OTULIN: variants seen among roughly 807,000 people sequenced by gnomAD.
OTULIN encodes the protein OTU deubiquitinase with linear linkage specificity.
In OTULIN, 15 loss-of-function variants were observed where a neutral mutation model predicts 39.6. The ratio of observed to expected loss-of-function variants is 0.38; its 90% confidence interval spans 0.25 to 0.58. The LOEUF (loss-of-function observed/expected upper bound fraction) is 0.58. OTULIN is among the 20% of genes least tolerant of loss of function. OTULIN has a pLI of 0.66. For missense variants in OTULIN, 319 were observed against 445.9 expected, an observed-to-expected ratio of 0.72 and a Z score of 2.56; for synonymous variants, 156 against 170.3, an observed-to-expected ratio of 0.92 and a Z score of 0.65.
At chr5:14,714,727 G>A in the OTULIN span, among the ~76,000 whole-genome samples, 1 of 152,068 alleles carries the variant, frequency 6.6e-6, no homozygotes, top group Non-Finnish European at 1.5e-5. Context: ...TGCTAAACTG[G>A]TTGGCCCAAA....
chr5:14,677,079 G>A (rs959571120), intron 2 of OTULIN, among the ~76,000 whole-genome samples: 2 of 152,082 alleles, frequency 1.3e-5, no homozygotes, highest in Non-Finnish European at 1.5e-5. Context: ...CTTTGTAAAA[G>A]AATTCACAGT....
chr5:14,666,259 G>A (rs1240987895), intron 1 of OTULIN, among the ~76,000 whole-genome samples: 2 of 152,248 alleles, frequency 1.3e-5, no homozygotes, highest in Non-Finnish European at 2.9e-5. Context: ...TATTTGGCAA[G>A]TTTTCTGGTG....
At position 14,696,236 on chromosome 5, in the gene OTULIN, A is replaced by T. The variant is rs984550774; in HGVS notation, c.*3188A>T. On this transcript the variant is annotated 3_prime_UTR_variant, in exon 7 of 7. Coordinates refer to ENST00000284274, the MANE Select transcript of OTULIN (RefSeq NM_138348.6). ...GCTGAATCACCTTTAATGATACAGC[A>T]CTTCTGCCATCTCAGCATCTACATA... 4 of 152,222 alleles carry T rather than the reference A, an allele frequency of 2.6e-5. No homozygotes were observed. The highest frequency in any genetic ancestry group is 9.6e-5 in the African/African-American group (4 of 41,452). The allele number at this position is 152,222 out of a possible 1,614,324, so 9.4% of individuals were successfully genotyped here. A position where few individuals can be genotyped will look rare whatever the true frequency, so the allele number is the denominator to read the frequency against.
intron 1 of OTULIN, among the ~76,000 whole-genome samples, chr5:14,668,362 GGAGTA>G (rs1735901404): frequency 6.6e-6 from 1 of 152,226 alleles, no homozygotes; most frequent in Non-Finnish European, 1.5e-5. Flanking sequence ...GAAGTCACAT[GGAGTA>G]GCATGAGCCA....
intron 1 of OTULIN, among the ~76,000 whole-genome samples, chr5:14,668,872 C>G (rs1343704680): frequency 1.3e-5 from 2 of 152,160 alleles, no homozygotes. Flanking sequence ...ACAGCTTTTG[C>G]TCTTGGGAAT....
Position 14,690,029 on chromosome 5 carries a change from C to G in OTULIN, c.595-10C>G, listed in dbSNP as rs758526018. On this transcript the variant is annotated splice_polypyrimidine_tract_variant and intron_variant, in intron 5 of 6. Transcript: ENST00000284274. The surrounding 1 kb of genome is among the most constrained non-coding windows in gnomAD (Gnocchi z 4.5). ...AAAATTCTAATTATTACATAACTTTCTTATTGTAGTGGGCAGGCTTGGCTG... is the reference window on the plus strand; with the variant it reads ...AAAATTCTAATTATTACATAACTTTGTTATTGTAGTGGGCAGGCTTGGCTG... 3.7e-6 allele frequency: 6 copies of G among 1,605,956 alleles called. No homozygotes were observed. The highest frequency in any genetic ancestry group is 5.1e-6 in the Non-Finnish European group (6 of 1,176,038).
At chr5:14,665,026 C>T in intron 1 of OTULIN, 49 bp downstream of exon 1, 1 of 1,031,560 alleles carries the variant, frequency 9.7e-7, no homozygotes, top group Non-Finnish European at 1.2e-6. Flanking sequence ...CGGGCTCGGT[C>T]CCCTCCGGAA....
chr5:14,711,803 C>T, the OTULIN span, among the ~76,000 whole-genome samples: 1 of 152,254 alleles, frequency 6.6e-6, no homozygotes, highest in Admixed American at 6.5e-5. Flanking sequence ...ACTTCCCTGC[C>T]ATGTTGCCTG....
At chr5:14,665,173 A>G (rs1280408115) in intron 1 of OTULIN, among the ~76,000 whole-genome samples, 196 bp downstream of exon 1, 2 of 152,210 alleles carry the variant, frequency 1.3e-5, no homozygotes, top group Admixed American at 1.3e-4. Flanking sequence ...AGGGCCCCTC[A>G]CAATTCTGGT....
At position 14,690,397 on chromosome 5, in the gene OTULIN, T is replaced by G; in HGVS notation, c.864+89T>G. ...GTCACAGTTTTTGTAGGTCAGAAATTCAGGGACAGCTTAGTTGGATGGTTC... is the reference window on the plus strand; with the variant it reads ...GTCACAGTTTTTGTAGGTCAGAAATGCAGGGACAGCTTAGTTGGATGGTTC... On this transcript the variant is annotated intron_variant, in intron 6 of 6. Coordinates refer to ENST00000284274, the MANE Select transcript of OTULIN (RefSeq NM_138348.6). The surrounding 1 kb of genome is among the most constrained non-coding windows in gnomAD (Gnocchi z 4.5). 2 of 1,480,120 alleles carry G rather than the reference T, an allele frequency of 1.4e-6. No homozygotes were observed. The highest frequency in any genetic ancestry group is 1.8e-4 in the Middle Eastern group (1 of 5,492). 91.7% of individuals were successfully genotyped at this position (1,480,120 alleles called of 1,614,324 possible).
intron 5 of OTULIN, 100 bp downstream of exon 5, chr5:14,687,746 G>T: frequency 1.4e-6 from 2 of 1,417,488 alleles, no homozygotes; most frequent in African/African-American, 1.4e-5. Flanking sequence ...ATTTTCAAAT[G>T]CTCTTGGCTG....
Position 14,699,442 on chromosome 5 carries a change from C to G in OTULIN, c.*6394C>G, listed in dbSNP as rs549895141. On this transcript the variant is annotated 3_prime_UTR_variant, in exon 7 of 7. Transcript: ENST00000284274. The stretch of plus-strand genomic sequence containing the variant: ...GCAGTGCTAAGTCGGTCATGTGCAG[C>G]AGAAAGACCTCCCCACTGTGAACAA... The G allele has an allele frequency of 6.6e-6, 1 of 152,224 alleles. No individual in the cohort carries two copies. The highest frequency in any genetic ancestry group is 2.1e-4 in the South Asian group (1 of 4,820). The allele number at this position is 152,224 out of a possible 1,614,324, so 9.4% of individuals were successfully genotyped here. A position where few individuals can be genotyped will look rare whatever the true frequency, so the allele number is the denominator to read the frequency against.
At chr5:14,703,267 T>C (rs142423933), downstream of OTULIN, among the ~76,000 whole-genome samples, 1 of 141,510 alleles carries the variant, frequency 7.1e-6, no homozygotes, top group Admixed American at 7.4e-5. Context: ...GGGAGCAGAA[T>C]TACAAATATA....
chr5:14,711,513 CCTGGCACTGAGCTAGG>C, the OTULIN span, among the ~76,000 whole-genome samples: 1 of 152,202 alleles, frequency 6.6e-6, no homozygotes, highest in African/African-American at 2.4e-5. Flanking sequence ...CTGCTGTGTG[CCTGGCACTGAGCTAGG>C]CAGGCACTTC....
chr5:14,677,931 T>C (rs966170579), intron 2 of OTULIN, among the ~76,000 whole-genome samples: 4 of 152,352 alleles, frequency 2.6e-5, no homozygotes, highest in African/African-American at 9.6e-5. Context: ...AAAGTATTCA[T>C]GAGCACCTGT....
intron 3 of OTULIN, 73 bp downstream of exon 3, chr5:14,678,848 TA>T: frequency 9.9e-7 from 1 of 1,006,934 alleles, no homozygotes; most frequent in Non-Finnish European, 1.5e-6. Context: ...TGTCATTTGA[TA>T]TTTTTAGACA....
At chr5:14,680,696 C>T (rs1390456480) in intron 3 of OTULIN, among the ~76,000 whole-genome samples, 1 of 152,152 alleles carries the variant, frequency 6.6e-6, no homozygotes, top group African/African-American at 2.4e-5. Flanking sequence ...TTTTTGAGTG[C>T]CCAAGCATGT....
chr5:14,702,569 G>T (rs916468735), downstream of OTULIN, among the ~76,000 whole-genome samples: 2 of 152,178 alleles, frequency 1.3e-5, no homozygotes, highest in African/African-American at 4.8e-5. Flanking sequence ...ACCGGGCGAG[G>T]TTAGGACGTG....
chr5:14,710,792 C>T, the OTULIN span: 55 of 231,666 alleles, frequency 2.4e-4, no homozygotes, highest in Non-Finnish European at 2.9e-4. Flanking sequence ...TTCTTAAGAG[C>T]GATGAAGGGG....
Sources: allele counts gnomAD v4.1 joint callset (sites outside exome capture counted in the v4.1 genomes callset), GRCh38; gene constraint gnomAD v4.1.1; non-coding constraint Gnocchi (gnomAD v3.1); transcripts MANE v1.5; gene names NCBI Gene and HGNC (gene_info 2026-07-23, HGNC 2026-07-21).